Variants in MZT2B observed in about 807,000 individuals in gnomAD.
The protein encoded by MZT2B is mitotic spindle organizing protein 2B, also known as mitotic-spindle organizing protein 2B.
In MZT2B, 11 loss-of-function variants were observed where a neutral mutation model predicts 12.1. That is an observed-to-expected ratio of 0.91 (90% CI 0.57 to 1.50). The LOEUF (loss-of-function observed/expected upper bound fraction) is 1.50, where lower values mean the gene tolerates loss of function less well. Ranked by LOEUF, MZT2B falls within the 40% of genes most tolerant of loss-of-function variation. The pLI is 0.00. For missense variants in MZT2B, 209 were observed against 227.7 expected (o/e 0.92, Z 0.53); for synonymous variants, 85 against 109.5 (o/e 0.78, Z 1.40).
chr2:130,191,846 T>G, downstream of MZT2B: 13 of 1,605,154 alleles, frequency 8.1e-6, no homozygotes, highest in South Asian at 8.9e-5. Context: ...ATGCTTCGCC[T>G]TCTTCAGCCT....
the MZT2B span, chr2:130,204,472 C>A: frequency 2.9e-6 from 1 of 347,214 alleles, no homozygotes; most frequent in East Asian, 7.7e-5. Context: ...GGGTGGATGG[C>A]CTGAGGTCAG....
chr2:130,196,782 T>C, the MZT2B span, among the ~76,000 whole-genome samples: 1 of 152,200 alleles, frequency 6.6e-6, no homozygotes, highest in African/African-American at 2.4e-5. Flanking sequence ...CAGGTCACCA[T>C]GGTCCAAGCC....
At chr2:130,204,703 A>G in the MZT2B span, among the ~76,000 whole-genome samples, 2 of 53,638 alleles carry the variant, frequency 3.7e-5, no homozygotes, top group Admixed American at 2.4e-4. Context: ...AAAAAAAAAA[A>G]AGGGGGGGTG....
the MZT2B span, among the ~76,000 whole-genome samples, chr2:130,203,566 A>C: frequency 6.8e-4 from 103 of 151,834 alleles, 1 homozygote; most frequent in Non-Finnish European, 6.8e-4. Context: ...CCCTCCACCC[A>C]GGGAGTCTTT....
chr2:130,204,101 A>C, the MZT2B span: 1 of 1,290,790 alleles, frequency 7.7e-7, no homozygotes, highest in Non-Finnish European at 1.0e-6. Context: ...AATATAGTGT[A>C]AGACTAAATG....
At chr2:130,184,442 C>G (rs1339327553) in intron 2 of MZT2B, 1 of 985,362 alleles carries the variant, frequency 1.0e-6, no homozygotes, top group Non-Finnish European at 1.2e-6. Context: ...GGCCACACTC[C>G]AGCACTCAGC....
At chr2:130,201,208 G>A in the MZT2B span, among the ~76,000 whole-genome samples, 5 of 152,220 alleles carry the variant, frequency 3.3e-5, no homozygotes, top group African/African-American at 4.8e-5. Flanking sequence ...GGGCAGGGAC[G>A]GAGTTCTGCC....
chr2:130,196,380 C>T, the MZT2B span: 19 of 1,610,846 alleles, frequency 1.2e-5, no homozygotes, highest in African/African-American at 1.3e-5. Flanking sequence ...CGCTGTGAAC[C>T]GGAACATAAA....
chr2:130,201,660 G>A, the MZT2B span, among the ~76,000 whole-genome samples: 1 of 152,188 alleles, frequency 6.6e-6, no homozygotes, highest in African/African-American at 2.4e-5. Context: ...GAACTCAGCT[G>A]TAGCCCACAT....
At chr2:130,196,660 C>T in the MZT2B span, among the ~76,000 whole-genome samples, 1 of 152,170 alleles carries the variant, frequency 6.6e-6, no homozygotes, top group East Asian at 1.9e-4. Flanking sequence ...ATAATCAACC[C>T]CACATTATAG....
intron 2 of MZT2B, among the ~76,000 whole-genome samples, chr2:130,187,187 CTTTTTA>C (rs1690098162): frequency 6.6e-6 from 1 of 151,520 alleles, no homozygotes; most frequent in African/African-American, 2.4e-5. Context: ...TTTTCTTTTA[CTTTTTA>C]TTTATTTATT....
In MZT2B at chr2:130,190,463, C is replaced by T; in HGVS notation, c.320-6C>T. 1.2e-6 allele frequency: 2 copies of T among 1,613,282 alleles called. No individual in the cohort carries two copies. On this transcript the variant is annotated splice_polypyrimidine_tract_variant and splice_region_variant and intron_variant, in intron 2 of 2. Transcript: ENST00000281871. Reference sequence around the variant, plus strand: ...TTCCTAATCATTGTGCTTTGTGTCTCCTCAGGGAGAAACAAAGGCAGCGCT... The same window carrying T: ...TTCCTAATCATTGTGCTTTGTGTCTTCTCAGGGAGAAACAAAGGCAGCGCT...
At chr2:130,193,936 C>G (rs770118958), downstream of MZT2B, 2 of 1,614,110 alleles carry the variant, frequency 1.2e-6, no homozygotes, top group East Asian at 2.2e-5. Context: ...CACACTTGAC[C>G]ATCTGATTGG....
chr2:130,185,103 A>G (rs1384772225), intron 2 of MZT2B, among the ~76,000 whole-genome samples: 1 of 151,856 alleles, frequency 6.6e-6, no homozygotes, highest in Non-Finnish European at 1.5e-5. Context: ...AGGTCAGGAG[A>G]TTGAGACCAT....
the MZT2B span, among the ~76,000 whole-genome samples, chr2:130,197,036 C>A: frequency 6.6e-6 from 1 of 152,306 alleles, no homozygotes; most frequent in East Asian, 1.9e-4. Flanking sequence ...TGACCTGAAT[C>A]CCTCTCAAGG....
At chr2:130,204,704 A>AAGG in the MZT2B span, among the ~76,000 whole-genome samples, 1 of 56,816 alleles carries the variant, frequency 1.8e-5, no homozygotes. Context: ...AAAAAAAAAA[A>AAGG]GGGGGGGTGG....
the MZT2B span, chr2:130,198,323 G>C: frequency 9.6e-6 from 13 of 1,352,794 alleles, 2 homozygotes; most frequent in Non-Finnish European, 1.3e-5. Context: ...TCGTCTGCCT[G>C]GGCATCTGCG....
At chr2:130,202,316 T>C in the MZT2B span, 7 of 1,289,322 alleles carry the variant, frequency 5.4e-6, no homozygotes, top group Non-Finnish European at 7.1e-6. Context: ...TTTGCTCATA[T>C]TCAAACAGGC....
chr2:130,201,666 C>G, the MZT2B span, among the ~76,000 whole-genome samples: 2 of 152,180 alleles, frequency 1.3e-5, no homozygotes, highest in East Asian at 3.9e-4. Context: ...AGCTGTAGCC[C>G]ACATCACACG....
Sources: gnomAD v4.1 joint callset for allele counts (sites outside exome capture counted in the v4.1 genomes callset) on GRCh38, gnomAD v4.1.1 for gene constraint, MANE v1.5 for transcripts, NCBI Gene and HGNC (gene_info 2026-07-23, HGNC 2026-07-21) for gene names.